MEI4: variants seen among roughly 807,000 people sequenced by gnomAD.
MEI4 encodes the protein meiosis-specific protein MEI4.
A neutral mutation model predicts 31.4 loss-of-function variants in MEI4; 27 were observed. The ratio of observed to expected loss-of-function variants is 0.86; its 90% CI spans 0.63 to 1.19. MEI4 has a LOEUF of 1.19. Ranked by LOEUF, MEI4 falls within the 50% of genes most tolerant of loss-of-function variation. MEI4 has a pLI of 0.00. For missense variants in MEI4, 329 were observed against 398.9 expected, an observed-to-expected ratio of 0.82 and a Z score of 1.49; for synonymous variants, 122 against 145.4, an observed-to-expected ratio of 0.84 and a Z score of 1.16.
At chr6:77,864,677 C>A (rs1770969821) in intron 4 of MEI4, among the ~76,000 whole-genome samples, 1 of 152,112 alleles carries the variant, frequency 6.6e-6, no homozygotes, top group African/African-American at 2.4e-5. Flanking sequence ...ATCAATGAGA[C>A]AGAAAGTTAA....
chr6:77,752,329 G>T (rs1582103372), intron 2 of MEI4, among the ~76,000 whole-genome samples: 1 of 152,280 alleles, frequency 6.6e-6, no homozygotes, highest in Non-Finnish European at 1.5e-5. Context: ...AAGTCAAATT[G>T]TCTCTGTTTG....
At chr6:77,829,624 G>A (rs1012867510) in intron 4 of MEI4, among the ~76,000 whole-genome samples, 2 of 152,044 alleles carry the variant, frequency 1.3e-5, no homozygotes, top group African/African-American at 4.8e-5. Context: ...TTTTATCTGT[G>A]GAAAGTCTTC....
intron 1 of MEI4, among the ~76,000 whole-genome samples, chr6:77,658,556 C>T (rs965713012): frequency 4.0e-4 from 60 of 151,652 alleles, no homozygotes; most frequent in Non-Finnish European, 7.2e-4. Flanking sequence ...AGAGAGTGGG[C>T]GATGTTTCTC....
At chr6:77,680,233 C>T (rs1413999613) in intron 1 of MEI4, among the ~76,000 whole-genome samples, 1 of 150,718 alleles carries the variant, frequency 6.6e-6, no homozygotes, top group Non-Finnish European at 1.5e-5. Flanking sequence ...GAGCCGAGAT[C>T]GCACCACCGC....
intron 1 of MEI4, among the ~76,000 whole-genome samples, chr6:77,662,579 A>C (rs1768533006): frequency 6.6e-6 from 1 of 152,152 alleles, no homozygotes; most frequent in African/African-American, 2.4e-5. Flanking sequence ...GTAGAGAGTG[A>C]GTTGAGCATA....
intron 3 of MEI4, among the ~76,000 whole-genome samples, chr6:77,816,931 G>C (rs1432840269): frequency 6.6e-6 from 1 of 152,074 alleles, no homozygotes; most frequent in Non-Finnish European, 1.5e-5. Flanking sequence ...TATCTGTTAA[G>C]ACATGTATCT....
At chr6:77,784,567 A>G (rs991127153) in intron 3 of MEI4, among the ~76,000 whole-genome samples, 2 of 152,172 alleles carry the variant, frequency 1.3e-5, no homozygotes, top group Admixed American at 1.3e-4. Flanking sequence ...TACCAAGGGA[A>G]TTAATACTGA....
chr6:77,790,191 G>T, intron 3 of MEI4, among the ~76,000 whole-genome samples: 1 of 146,650 alleles, frequency 6.8e-6, no homozygotes, highest in Non-Finnish European at 1.5e-5. Context: ...CTCACAGGTG[G>T]GAATTAAACA....
intron 3 of MEI4, among the ~76,000 whole-genome samples, chr6:77,769,716 T>A (rs1206550274): frequency 1.3e-5 from 2 of 152,010 alleles, no homozygotes; most frequent in Non-Finnish European, 2.9e-5. Flanking sequence ...AGACCCTAGC[T>A]CCTGGATGAC....
chr6:77,816,438 T>C (rs531421908), intron 3 of MEI4, among the ~76,000 whole-genome samples: 19 of 152,264 alleles, frequency 1.2e-4, no homozygotes, highest in African/African-American at 4.3e-4. Context: ...TTTAGTCATG[T>C]TGAAACTTTA....
chr6:77,868,337 C>A lies in MEI4; in HGVS notation c.900+39275C>A, dbSNP rs545677994. On this transcript the variant is annotated intron_variant, in intron 4 of 4. Transcript: ENST00000684080. ...TCTTATACTGATTTTATCAGTTTCA[C>A]TCAATGAAAAATTATGCAAGTAAAT... Among the ~76,000 whole-genome samples, 9 of 150,896 alleles carry A rather than the reference C, an allele frequency of 6.0e-5. No homozygotes were observed. The South Asian group carries it at 8.4e-4, about 14-fold the overall frequency.
At chr6:77,668,880 T>G (rs1021523076) in intron 1 of MEI4, among the ~76,000 whole-genome samples, 7 of 152,172 alleles carry the variant, frequency 4.6e-5, no homozygotes, top group Non-Finnish European at 8.8e-5. Flanking sequence ...TTTTCTGTGT[T>G]TTTTCTAAAG....
intron 2 of MEI4, among the ~76,000 whole-genome samples, chr6:77,693,419 GT>G (rs1315963781): frequency 1.3e-5 from 2 of 152,024 alleles, no homozygotes; most frequent in African/African-American, 4.8e-5. Context: ...CTGATAAAAT[GT>G]GCATGTTATT....
At chr6:77,770,861 A>T (rs1057117306) in intron 3 of MEI4, among the ~76,000 whole-genome samples, 3 of 152,148 alleles carry the variant, frequency 2.0e-5, no homozygotes, top group Non-Finnish European at 2.9e-5. Flanking sequence ...AGGAAATACC[A>T]TTCTGGACAG....
intron 1 of MEI4, among the ~76,000 whole-genome samples, chr6:77,674,817 A>T (rs1345593071): frequency 1.2e-4 from 18 of 152,162 alleles, no homozygotes; most frequent in Admixed American, 3.3e-4. Flanking sequence ...TCACCTGCAG[A>T]AGTAATCATA....
chr6:77,901,104 C>A (rs1192986374), intron 4 of MEI4, among the ~76,000 whole-genome samples: 3 of 151,872 alleles, frequency 2.0e-5, no homozygotes, highest in Non-Finnish European at 4.4e-5. Flanking sequence ...ATTTTCTTCA[C>A]CTGTTCATCT....
chr6:77,752,510 T>G (rs1315373123), intron 2 of MEI4, among the ~76,000 whole-genome samples: 7 of 152,096 alleles, frequency 4.6e-5, no homozygotes, highest in Non-Finnish European at 7.4e-5. Flanking sequence ...CATTCACAAT[T>G]GCTACTAAGA....
intron 4 of MEI4, among the ~76,000 whole-genome samples, chr6:77,879,389 A>G (rs1771425503): frequency 1.3e-5 from 2 of 152,182 alleles, no homozygotes. Flanking sequence ...CATGCACATC[A>G]ACCACACTTA....
chr6:77,772,640 C>A (rs935287190), intron 3 of MEI4, among the ~76,000 whole-genome samples: 2 of 151,940 alleles, frequency 1.3e-5, no homozygotes, highest in African/African-American at 4.8e-5. Context: ...AAACTGAAAG[C>A]CTTTCCTCTA....
Sources: gnomAD v4.1 joint callset for allele counts (sites outside exome capture counted in the v4.1 genomes callset) on GRCh38, gnomAD v4.1.1 for gene constraint, MANE v1.5 for transcripts, NCBI Gene and HGNC (gene_info 2026-07-23, HGNC 2026-07-21) for gene names.